The following RASA2 variants were observed in gnomAD, a reference collection of about 807,000 sequenced individuals.
The protein encoded by RASA2 is RAS p21 protein activator 2, also known as ras GTPase-activating protein 2.
RASA2 carries 155 observed loss-of-function variants against 118.2 expected under a neutral mutation model. The observed-to-expected ratio is 1.31, with a 90% CI of 1.15 to 1.50. The LOEUF (loss-of-function observed/expected upper bound fraction) is 1.50, where lower values mean the gene tolerates loss of function less well. Among genes scored for constraint, RASA2 ranks in the 40% most tolerant of loss-of-function variants. RASA2 has a pLI of 0.00. For missense variants in RASA2, 1,016 were observed against 1,009.6 expected (o/e 1.01, Z -0.09); for synonymous variants, 353 against 349.1 (o/e 1.01, Z -0.12).
intron 19 of RASA2, among the ~76,000 whole-genome samples, chr3:141,603,118 C>T (rs1351266644): frequency 1.3e-5 from 2 of 152,132 alleles, no homozygotes; most frequent in Admixed American, 6.5e-5. Context: ...GTTGTTTTCC[C>T]GTGCCCTGAA....
intron 23 of RASA2, among the ~76,000 whole-genome samples, chr3:141,610,368 ATT>A (rs1484531222): frequency 6.6e-5 from 8 of 121,518 alleles, no homozygotes; most frequent in African/African-American, 2.2e-4. Flanking sequence ...TATATTATAT[ATT>A]TATATTTATA....
chr3:141,541,680 T>C (rs190257270), intron 5 of RASA2, among the ~76,000 whole-genome samples: 3 of 152,272 alleles, frequency 2.0e-5, no homozygotes, highest in Non-Finnish European at 4.4e-5. Flanking sequence ...AGGCGTTTTT[T>C]TCCTTCTAAG....
At chr3:141,528,919 G>T (rs557766382) in intron 3 of RASA2, among the ~76,000 whole-genome samples, 2 of 152,028 alleles carry the variant, frequency 1.3e-5, no homozygotes, top group African/African-American at 4.8e-5. Context: ...TGAAACTTTT[G>T]TGTAGAATCC....
chr3:141,608,661 C>G lies in RASA2; in HGVS notation c.2189C>G (p.Thr730Ser). Residue 730 changes from threonine to serine, a missense_variant, in exon 21 of 24, where the codon ACT (threonine) becomes AGT (serine). Transcript: ENST00000286364. ...GGAAATTGGCTCTGCTGTCAGGAGA[C>G]TGGTGAAAACACTCTCGGCTGCAAG... ...LNGNWLCCQETGENTLGCKPC... is the reference protein window; with the variant it reads ...LNGNWLCCQESGENTLGCKPC... The G allele has an allele frequency of 6.2e-7, 1 of 1,613,934 alleles. No individual in the cohort carries two copies. The highest frequency in any genetic ancestry group is 8.5e-7 in the Non-Finnish European group (1 of 1,179,876).
At chr3:141,489,815 A>G (rs1411592323) in intron 1 of RASA2, among the ~76,000 whole-genome samples, 1 of 151,926 alleles carries the variant, frequency 6.6e-6, no homozygotes, top group Non-Finnish European at 1.5e-5. Flanking sequence ...AAGGTGAAAT[A>G]TCTGTCAGTT....
Position 141,531,493 on chromosome 3 carries a change from TAC to T in RASA2, c.450+1699_450+1700del, listed in dbSNP as rs749597436. 4.0e-4 allele frequency among the ~76,000 whole-genome samples: 60 copies of T among 151,650 alleles called. No homozygotes were observed. The South Asian group carries it at 6.8e-3, about 17-fold the overall frequency. ...ATATATGCATATATATGTATATATA[TAC>T]ACACACATTACATACACATGGGTAT... is the stretch of plus-strand genomic sequence containing the variant. On this transcript the variant is annotated intron_variant, in intron 4 of 23. Transcript: ENST00000286364.
intron 19 of RASA2, among the ~76,000 whole-genome samples, chr3:141,587,999 T>C (rs1280281657): frequency 6.6e-6 from 1 of 152,224 alleles, no homozygotes. Context: ...TATGGACCTA[T>C]AGATCAGATT....
chr3:141,607,007 A>G (rs566762437), intron 19 of RASA2, among the ~76,000 whole-genome samples: 1 of 152,314 alleles, frequency 6.6e-6, no homozygotes, highest in Admixed American at 6.5e-5. Flanking sequence ...AATGCATCAT[A>G]TTCTTATGCC....
intron 9 of RASA2, among the ~76,000 whole-genome samples, chr3:141,562,081 T>C (rs2082737689): frequency 6.6e-6 from 1 of 151,814 alleles, no homozygotes; most frequent in Admixed American, 6.6e-5. Context: ...GCCTCCCAAG[T>C]AGCTGGGACT....
rs1365749993 is a variant in RASA2 at position 141,512,162 on chromosome 3, G to A, written c.134-1G>A. ...AACAATTTTAAATTTTATGCCAACA[G>A]GTGAAGCAAAAAATTTATTGCCATA... On this transcript the variant is annotated splice_acceptor_variant, in intron 1 of 23. Coordinates refer to ENST00000286364, the MANE Select transcript of RASA2 (RefSeq NM_006506.5). LOFTEE classifies it high-confidence loss of function. 1.2e-6 allele frequency: 2 copies of A among 1,600,084 alleles called. No individual in the cohort carries two copies. Among genetic ancestry groups the A allele is most frequent in the Non-Finnish European group, 1.7e-6 (2 of 1,170,326 alleles).
chr3:141,592,545 T>C (rs555285973), intron 19 of RASA2, among the ~76,000 whole-genome samples: 116 of 152,294 alleles, frequency 7.6e-4, no homozygotes, highest in Middle Eastern at 6.8e-3. Flanking sequence ...GGGTAACTTA[T>C]GTCTGTGGAG....
intron 1 of RASA2, among the ~76,000 whole-genome samples, chr3:141,499,344 C>G (rs547317646): frequency 2.6e-5 from 4 of 152,122 alleles, no homozygotes; most frequent in Non-Finnish European, 5.9e-5. Context: ...CCCACAAAAA[C>G]CCTTGTGATA....
At chr3:141,504,603 C>T (rs974872022) in intron 1 of RASA2, among the ~76,000 whole-genome samples, 1 of 152,132 alleles carries the variant, frequency 6.6e-6, no homozygotes, top group African/African-American at 2.4e-5. Context: ...CCCTGACCTG[C>T]AAGTTTTCGC....
At chr3:141,535,316 G>A (rs912283904) in intron 4 of RASA2, among the ~76,000 whole-genome samples, 3 of 152,056 alleles carry the variant, frequency 2.0e-5, no homozygotes, top group Non-Finnish European at 4.4e-5. Flanking sequence ...TTATTGAAGT[G>A]GTCTGGACCC....
At chr3:141,584,750 C>T (rs1185369105) in intron 17 of RASA2, among the ~76,000 whole-genome samples, 1 of 152,118 alleles carries the variant, frequency 6.6e-6, no homozygotes, top group Non-Finnish European at 1.5e-5. Flanking sequence ...CTAAATGTAA[C>T]CCTAATTGTT....
At chr3:141,560,016 T>C (rs1428891655) in intron 9 of RASA2, 21 bp downstream of exon 9, 2 of 1,565,552 alleles carry the variant, frequency 1.3e-6, no homozygotes, top group Non-Finnish European at 8.8e-7. Flanking sequence ...AGCATTTTAG[T>C]GAACTCCATA....
chr3:141,602,546 A>G (rs986832076), intron 19 of RASA2, among the ~76,000 whole-genome samples: 1 of 151,826 alleles, frequency 6.6e-6, no homozygotes, highest in Admixed American at 6.6e-5. Flanking sequence ...GATTTTGGGG[A>G]CCCCTCTTTT....
chr3:141,574,204 T>A (rs989471382), intron 14 of RASA2, 137 bp downstream of exon 14: 3 of 547,256 alleles, frequency 5.5e-6, no homozygotes, highest in East Asian at 7.0e-5. Context: ...ATTTTATTTT[T>A]TTTGAGACGG....
Position 141,612,276 on chromosome 3 carries a change from T to G in RASA2, c.2520-7T>G. ...AATTTTGAAAAATGACTTTTTTTCTTCTCTAGGGAAAATCCAATTGTTGGG... is the reference window on the plus strand; with the variant it reads ...AATTTTGAAAAATGACTTTTTTTCTGCTCTAGGGAAAATCCAATTGTTGGG... On this transcript the variant is annotated splice_polypyrimidine_tract_variant and splice_region_variant and intron_variant, in intron 23 of 23. Transcript: ENST00000286364. 6.3e-7 allele frequency: 1 copy of G among 1,580,598 alleles called. No homozygotes were observed. The highest frequency in any genetic ancestry group is 8.7e-7 in the Non-Finnish European group (1 of 1,154,346).
Sources: allele counts gnomAD v4.1 joint callset (sites outside exome capture counted in the v4.1 genomes callset), GRCh38; gene constraint gnomAD v4.1.1; transcripts MANE v1.5; gene names NCBI Gene and HGNC (gene_info 2026-07-23, HGNC 2026-07-21).